ZUP1: variants seen among roughly 807,000 people sequenced by gnomAD.
The protein encoded by ZUP1 is zinc finger-containing ubiquitin peptidase 1.
Under a neutral mutation model 68.1 loss-of-function variants are expected in ZUP1, and 55 were observed. That is an observed-to-expected ratio of 0.81 (90% CI 0.65 to 1.01). ZUP1 has a LOEUF of 1.01. Ranked by LOEUF, ZUP1 falls within the 50% of genes least tolerant of loss-of-function variation. The pLI is 0.00. For missense variants in ZUP1, 684 were observed against 674.9 expected, an observed-to-expected ratio of 1.01 and a Z score of -0.15; for synonymous variants, 223 against 221.5, an observed-to-expected ratio of 1.01 and a Z score of -0.06.
intron 6 of ZUP1, 21 bp from the exon 7 acceptor site, chr6:116,651,758 A>C: frequency 6.2e-7 from 1 of 1,611,308 alleles, no homozygotes; most frequent in Non-Finnish European, 8.5e-7. Context: ...ACAAGCAAAC[A>C]TGTTACATGA....
At chr6:116,643,259 T>G (rs1387706084) in intron 9 of ZUP1, among the ~76,000 whole-genome samples, 2 of 152,080 alleles carry the variant, frequency 1.3e-5, no homozygotes, top group Non-Finnish European at 2.9e-5. Flanking sequence ...ATGGCCATAC[T>G]GCCCAAGGTA....
At chr6:116,662,913 ACTC>A (rs1295566585) in intron 2 of ZUP1, among the ~76,000 whole-genome samples, 1 of 152,042 alleles carries the variant, frequency 6.6e-6, no homozygotes, top group Non-Finnish European at 1.5e-5. Flanking sequence ...AGTCTTAGAC[ACTC>A]CTTTCATTTA....
chr6:116,637,039 A>G (rs1775928306), intron 9 of ZUP1, among the ~76,000 whole-genome samples: 1 of 152,190 alleles, frequency 6.6e-6, no homozygotes, highest in Non-Finnish European at 1.5e-5. Flanking sequence ...AAAAAAAGTT[A>G]TATTAAATTA....
chr6:116,655,357 G>C (rs970771370), intron 5 of ZUP1, among the ~76,000 whole-genome samples: 3 of 152,042 alleles, frequency 2.0e-5, no homozygotes, highest in Non-Finnish European at 4.4e-5. Flanking sequence ...ATAAACACCT[G>C]CAAAATATTT....
At chr6:116,650,829 A>T (rs1019748068) in intron 7 of ZUP1, among the ~76,000 whole-genome samples, 4 of 152,202 alleles carry the variant, frequency 2.6e-5, no homozygotes, top group African/African-American at 9.6e-5. Context: ...AAATTTCATA[A>T]TATCGTGAAA....
intron 2 of ZUP1, among the ~76,000 whole-genome samples, chr6:116,666,075 C>T (rs1776999234): frequency 6.6e-6 from 1 of 152,118 alleles, no homozygotes; most frequent in Admixed American, 6.5e-5. Flanking sequence ...AACTACTAGA[C>T]AGTACTACTA....
chr6:116,636,238 T>A (rs1412541296), intron 9 of ZUP1, among the ~76,000 whole-genome samples: 1 of 152,174 alleles, frequency 6.6e-6, no homozygotes, highest in Non-Finnish European at 1.5e-5. Flanking sequence ...ATAAACATTA[T>A]GCATATCCCT....
intron 9 of ZUP1, among the ~76,000 whole-genome samples, chr6:116,644,419 G>A (rs1361174447): frequency 1.3e-5 from 2 of 152,166 alleles, no homozygotes; most frequent in Admixed American, 1.3e-4. Context: ...ATTCACAATA[G>A]CAAAGACTTG....
intron 4 of ZUP1, 86 bp downstream of exon 4, chr6:116,658,717 C>T: frequency 7.5e-7 from 1 of 1,332,066 alleles, no homozygotes; most frequent in Non-Finnish European, 1.0e-6. Flanking sequence ...TGAATAATAA[C>T]AAGGACAAAA....
chr6:116,655,501 C>T (rs1776635502), intron 5 of ZUP1, among the ~76,000 whole-genome samples: 1 of 152,050 alleles, frequency 6.6e-6, no homozygotes, highest in Admixed American at 6.6e-5. Flanking sequence ...GCTTTGAATA[C>T]CTATCAAAGG....
At chr6:116,638,283 C>A (rs569169917) in intron 9 of ZUP1, among the ~76,000 whole-genome samples, 1 of 152,146 alleles carries the variant, frequency 6.6e-6, no homozygotes, top group Admixed American at 6.5e-5. Context: ...TTAGGGCTTA[C>A]GCATTTTCTA....
chr6:116,658,992 T>C (rs2114275345), intron 3 of ZUP1, 68 bp from the exon 4 acceptor site: 1 of 1,326,058 alleles, frequency 7.5e-7, no homozygotes, highest in Non-Finnish European at 1.0e-6. Context: ...TTATTTAATA[T>C]ATGTTTTTAA....
intron 9 of ZUP1, among the ~76,000 whole-genome samples, chr6:116,640,712 C>T (rs1012891473): frequency 1.3e-4 from 19 of 151,770 alleles, no homozygotes; most frequent in Non-Finnish European, 2.2e-4. Context: ...AAGGCACAAC[C>T]GGTACCAGCC....
Position 116,647,469 on chromosome 6 carries a change from A to G in ZUP1, c.1458T>C (p.Leu486=), listed in dbSNP as rs1562402898. ...VVCTSKPPIY[L]QHQGHSRTVI... ...TATATTAATACTAACCTTGATGCTG[A>G]AGATAGATAGGAGGTTTAGATGTAC... Residue 486 remains leucine (L), a synonymous_variant, in exon 8 of 10, where the codon CTT becomes CTC. Coordinates refer to ENST00000368576, the MANE Select transcript of ZUP1 (RefSeq NM_145062.3). The G allele has an allele frequency of 6.4e-7, 1 of 1,566,138 alleles. No individual in the cohort carries two copies. Among genetic ancestry groups the G allele is most frequent in the Non-Finnish European group, 8.7e-7 (1 of 1,150,828 alleles).
chr6:116,649,664 T>C (rs1562404144), intron 7 of ZUP1, among the ~76,000 whole-genome samples: 1 of 152,206 alleles, frequency 6.6e-6, no homozygotes, highest in Non-Finnish European at 1.5e-5. Flanking sequence ...AAAACTCTTC[T>C]CTGGATAACT....
intron 7 of ZUP1, among the ~76,000 whole-genome samples, chr6:116,648,254 T>C (rs1347308352): frequency 6.6e-6 from 1 of 152,224 alleles, no homozygotes; most frequent in Non-Finnish European, 1.5e-5. Flanking sequence ...CCAGAAACAC[T>C]GTTTATACTA....
At chr6:116,667,692 A>C (rs1359488188) in intron 1 of ZUP1, among the ~76,000 whole-genome samples, 1 of 151,970 alleles carries the variant, frequency 6.6e-6, no homozygotes, top group African/African-American at 2.4e-5. Context: ...TTGTAATTTA[A>C]GTACTATTAT....
chr6:116,650,371 A>C (rs1359777366), intron 7 of ZUP1, among the ~76,000 whole-genome samples: 1 of 149,476 alleles, frequency 6.7e-6, no homozygotes, highest in Non-Finnish European at 1.5e-5. Flanking sequence ...GCAGTGAGCC[A>C]AGATCACGCC....
chr6:116,665,881 A>T (rs1201450764), intron 2 of ZUP1, among the ~76,000 whole-genome samples: 1 of 151,794 alleles, frequency 6.6e-6, no homozygotes, highest in African/African-American at 2.4e-5. Context: ...ATGAGCCACA[A>T]CACCTGGCTC....
Sources: gnomAD v4.1 joint callset for allele counts (sites outside exome capture counted in the v4.1 genomes callset) on GRCh38, gnomAD v4.1.1 for gene constraint, MANE v1.5 for transcripts, NCBI Gene and HGNC (gene_info 2026-07-23, HGNC 2026-07-21) for gene names.